Variants in ABLIM3 observed in about 807,000 individuals in gnomAD.
ABLIM3 encodes actin-binding LIM protein 3.
In ABLIM3, 61 loss-of-function variants were observed where a neutral mutation model predicts 109.5. That is an observed-to-expected ratio of 0.56 (90% confidence interval 0.45 to 0.69). The LOEUF is 0.69. ABLIM3 is among the 30% of genes least tolerant of loss of function. ABLIM3 has a pLI of 0.00. For missense variants in ABLIM3, 796 were observed against 889.5 expected, an observed-to-expected ratio of 0.89 and a Z score of 1.34; for synonymous variants, 300 against 324.8, an observed-to-expected ratio of 0.92 and a Z score of 0.82.
At chr5:149,249,925 T>C in intron 19 of ABLIM3, 81 bp downstream of exon 19, 1 of 1,511,398 alleles carries the variant, frequency 6.6e-7, no homozygotes, top group Non-Finnish European at 9.2e-7. Flanking sequence ...TCCATAGTTC[T>C]AATGACCATA....
chr5:149,246,070 G>A (rs1430333670), intron 16 of ABLIM3, among the ~76,000 whole-genome samples: 1 of 152,190 alleles, frequency 6.6e-6, no homozygotes, highest in South Asian at 2.1e-4. Context: ...GCCTGAGGCA[G>A]GAGGATCCCT....
At chr5:149,168,556 C>T (rs1755047384) in intron 2 of ABLIM3, among the ~76,000 whole-genome samples, 1 of 152,184 alleles carries the variant, frequency 6.6e-6, no homozygotes, top group Non-Finnish European at 1.5e-5. Context: ...AGACCAAAAA[C>T]AGCTCTTCCT....
At chr5:149,178,517 A>G (rs2127469824) in intron 2 of ABLIM3, among the ~76,000 whole-genome samples, 1 of 152,264 alleles carries the variant, frequency 6.6e-6, no homozygotes, top group East Asian at 1.9e-4. Flanking sequence ...TTAATTATAC[A>G]CCAGCATAGC....
chr5:149,248,859 GACACACACAC>G (rs55707887), intron 18 of ABLIM3, among the ~76,000 whole-genome samples: 2,696 of 144,688 alleles, frequency 0.019, 74 homozygotes, highest in African/African-American at 0.061. Flanking sequence ...CCTATTCCTG[GACACACACAC>G]ACACACACAC....
At chr5:149,200,816 A>T (rs1435565853) in intron 5 of ABLIM3, among the ~76,000 whole-genome samples, 1 of 152,148 alleles carries the variant, frequency 6.6e-6, no homozygotes, top group Non-Finnish European at 1.5e-5. Flanking sequence ...CTTACAGAAG[A>T]GGTAGTATGG....
chr5:149,242,838 C>G (rs2127562131), intron 15 of ABLIM3, among the ~76,000 whole-genome samples: 1 of 152,314 alleles, frequency 6.6e-6, no homozygotes. Context: ...GCACATGCCC[C>G]TGGGAGAGTC....
At chr5:149,216,763 G>C (rs1760130032) in intron 7 of ABLIM3, 196 bp from the exon 8 acceptor site, 1 of 576,170 alleles carries the variant, frequency 1.7e-6, no homozygotes, top group African/African-American at 1.9e-5. Flanking sequence ...TGCCATCAGG[G>C]ATCCATGGAG....
chr5:149,162,163 C>G (rs1322261279), intron 2 of ABLIM3, among the ~76,000 whole-genome samples: 1 of 152,172 alleles, frequency 6.6e-6, no homozygotes, highest in African/African-American at 2.4e-5. Context: ...CTTGACTGTT[C>G]TTTGAGAATA....
chr5:149,182,064 G>C (rs371804843), intron 2 of ABLIM3, among the ~76,000 whole-genome samples: 29 of 152,196 alleles, frequency 1.9e-4, no homozygotes, highest in African/African-American at 6.5e-4. Flanking sequence ...AAGTCACCAT[G>C]TGCAATCCTC....
chr5:149,159,714 C>G (rs1016497565), intron 2 of ABLIM3, among the ~76,000 whole-genome samples: 1 of 152,190 alleles, frequency 6.6e-6, no homozygotes, highest in African/African-American at 2.4e-5. Context: ...CCTCAAAGAG[C>G]TGTTTCAACT....
chr5:149,175,876 CAA>C (rs1190767042), intron 2 of ABLIM3, among the ~76,000 whole-genome samples: 1 of 152,116 alleles, frequency 6.6e-6, no homozygotes, highest in African/African-American at 2.4e-5. Flanking sequence ...CATGTCCTGA[CAA>C]CACGTTTCTG....
intron 2 of ABLIM3, among the ~76,000 whole-genome samples, chr5:149,146,630 T>A (rs750978079): frequency 6.6e-6 from 1 of 152,230 alleles, no homozygotes; most frequent in Non-Finnish European, 1.5e-5. Flanking sequence ...GCTGTAGGTA[T>A]GTGGCTTTAT....
intron 9 of ABLIM3, among the ~76,000 whole-genome samples, chr5:149,231,245 C>A (rs139503443): frequency 1.6e-4 from 24 of 152,278 alleles, no homozygotes; most frequent in African/African-American, 5.8e-4. Context: ...CCCAGGTACG[C>A]GCTGGGCCAG....
At chr5:149,201,027 C>CT (rs1404475453) in intron 5 of ABLIM3, among the ~76,000 whole-genome samples, 1 of 152,188 alleles carries the variant, frequency 6.6e-6, no homozygotes, top group Non-Finnish European at 1.5e-5. Context: ...TTCAGAACCA[C>CT]TGTCTAGGGA....
At chr5:149,250,285 A>T (rs1384243748) in intron 19 of ABLIM3, among the ~76,000 whole-genome samples, 162 bp from the exon 20 acceptor site, 1 of 152,188 alleles carries the variant, frequency 6.6e-6, no homozygotes, top group Non-Finnish European at 1.5e-5. Context: ...AGAGATGGTC[A>T]AGTTGCAAAT....
At chr5:149,146,337 T>C (rs966190045) in intron 2 of ABLIM3, among the ~76,000 whole-genome samples, 15 of 152,172 alleles carry the variant, frequency 9.9e-5, no homozygotes, top group Non-Finnish European at 1.9e-4. Flanking sequence ...CAGTTGTCGA[T>C]TTTTGTTTTT....
intron 18 of ABLIM3, among the ~76,000 whole-genome samples, chr5:149,248,391 G>A (rs1401558789): frequency 1.3e-5 from 2 of 152,128 alleles, no homozygotes; most frequent in Non-Finnish European, 2.9e-5. Flanking sequence ...GTCAGATTCA[G>A]TATAAAGAAA....
intron 2 of ABLIM3, among the ~76,000 whole-genome samples, chr5:149,175,034 C>T (rs1755797592): frequency 1.3e-5 from 2 of 152,152 alleles, no homozygotes; most frequent in African/African-American, 2.4e-5. Flanking sequence ...TTGTAAAGAT[C>T]ACAAGGAACT....
At position 149,143,664 on chromosome 5, in the gene ABLIM3, G is replaced by A. The variant is rs930574523; in HGVS notation, c.13+1556G>A. On this transcript the variant is annotated intron_variant, in intron 2 of 23. Transcript: ENST00000309868. ...TATTGCATATCTATGCTAAGCTAGC[G>A]AGTGTGGCTGGACTCCCTCTGCCTC... Among the ~76,000 whole-genome samples, 3 of 152,082 alleles carry A rather than the reference G, an allele frequency of 2.0e-5. 1 individual carries two copies. Among genetic ancestry groups the A allele is most frequent in the East Asian group, 3.9e-4 (2 of 5,184 alleles).
Sources: gnomAD v4.1 joint callset for allele counts (sites outside exome capture counted in the v4.1 genomes callset) on GRCh38, gnomAD v4.1.1 for gene constraint, MANE v1.5 for transcripts, NCBI Gene and HGNC (gene_info 2026-07-23, HGNC 2026-07-21) for gene names.